Variants in ACADSB observed in about 807,000 individuals in gnomAD.
ACADSB encodes the protein short/branched chain specific acyl-CoA dehydrogenase, mitochondrial.
Under a neutral mutation model 54.1 loss-of-function variants are expected in ACADSB, and 40 were observed. That is an observed-to-expected ratio of 0.74 (90% confidence interval 0.57 to 0.96). ACADSB has a LOEUF of 0.96. Among genes scored for constraint, ACADSB ranks in the 40% least tolerant of loss-of-function variants. ACADSB has a pLI of 0.00. For missense variants in ACADSB, 530 were observed against 510.4 expected (o/e 1.04, Z -0.37); for synonymous variants, 182 against 182.8 (o/e 1.00, Z 0.03).
chr10:123,055,599 A>C lies in ACADSB; in HGVS notation c.*1834A>C, dbSNP rs1458751611. Reference sequence around the variant, plus strand: ...GCATTAACCCAAAAGTCCGCAGTCCAAAGTTTCATCTGAGACAAGGCAAGT... The same window carrying C: ...GCATTAACCCAAAAGTCCGCAGTCCCAAGTTTCATCTGAGACAAGGCAAGT... On this transcript the variant is annotated 3_prime_UTR_variant, in exon 11 of 11. Coordinates refer to ENST00000358776, the MANE Select transcript of ACADSB (RefSeq NM_001609.4). 1 of 152,214 alleles carries C rather than the reference A, an allele frequency of 6.6e-6. No individual in the cohort carries two copies. The highest frequency in any genetic ancestry group is 2.4e-5 in the African/African-American group (1 of 41,452). The allele number at this position is 152,214 out of a possible 1,614,324, so 9.4% of individuals were successfully genotyped here. A position where few individuals can be genotyped will look rare whatever the true frequency, so the allele number is the denominator to read the frequency against.
Position 123,019,575 on chromosome 10 carries a change from A to G in ACADSB, c.42+10504A>G, listed in dbSNP as rs376109633. 1.8e-4 allele frequency among the ~76,000 whole-genome samples: 27 copies of G among 152,356 alleles called. No homozygotes were observed. In the South Asian group the frequency reaches 5.6e-3, roughly 32 times the overall value. On this transcript the variant is annotated intron_variant, in intron 1 of 10. Coordinates refer to ENST00000358776, the MANE Select transcript of ACADSB (RefSeq NM_001609.4). The stretch of plus-strand genomic sequence containing the variant: ...TTGGTGATAGTTTTTTATCAGGCTT[A>G]CAAATATGAGAACCCTTTTTTCATG...
chr10:123,041,699 T>A (rs1267988986), intron 5 of ACADSB, among the ~76,000 whole-genome samples: 1 of 152,218 alleles, frequency 6.6e-6, no homozygotes, highest in Admixed American at 6.5e-5. Flanking sequence ...AACTACCATA[T>A]TGAATTCACG....
intron 1 of ACADSB, among the ~76,000 whole-genome samples, chr10:123,033,163 G>A (rs914542092): frequency 1.3e-5 from 2 of 152,124 alleles, no homozygotes; most frequent in Non-Finnish European, 2.9e-5. Context: ...GTGCAACTTT[G>A]CCCCAAACTG....
intron 1 of ACADSB, among the ~76,000 whole-genome samples, chr10:123,021,047 CA>C (rs973320508): frequency 6.6e-6 from 1 of 152,126 alleles, no homozygotes; most frequent in Non-Finnish European, 1.5e-5. Context: ...CTTAGCTTTC[CA>C]AACAATCTGT....
intron 1 of ACADSB, among the ~76,000 whole-genome samples, chr10:123,027,042 C>G (rs1850263938): frequency 6.6e-6 from 1 of 152,102 alleles, no homozygotes; most frequent in South Asian, 2.1e-4. Flanking sequence ...TAGATTATTA[C>G]TTGAACTCTA....
intron 3 of ACADSB, among the ~76,000 whole-genome samples, chr10:123,038,962 G>T (rs958109890): frequency 6.6e-6 from 1 of 152,118 alleles, no homozygotes; most frequent in Admixed American, 6.5e-5. Context: ...TCTCCCCCGC[G>T]GTGGTCGTTC....
At position 123,054,109 on chromosome 10, in the gene ACADSB, C is replaced by CTT; in HGVS notation, c.*345_*346dup. On this transcript the variant is annotated 3_prime_UTR_variant, in exon 11 of 11. Coordinates refer to ENST00000358776, the MANE Select transcript of ACADSB (RefSeq NM_001609.4). ...TGGCGCGATCTCAGCTCACTGCAGC[C>CTT]TTGACCTCCTGGGTTCCAGTGATTC... The CTT allele has an allele frequency of 3.5e-6, 1 of 287,208 alleles. No individual in the cohort carries two copies. The allele number at this position is 287,208 out of a possible 1,614,324, so 17.8% of individuals were successfully genotyped here. A position where few individuals can be genotyped will look rare whatever the true frequency, so the allele number is the denominator to read the frequency against.
rs192467602 is a variant in ACADSB at position 123,048,878 on chromosome 10, G to A, written c.990+1580G>A. Among the ~76,000 whole-genome samples the A allele has an allele frequency of 5.9e-3, 892 of 152,078 alleles. 3 individuals are homozygous for A. Among genetic ancestry groups the A allele is most frequent in the African/African-American group, 0.017 (725 of 41,498 alleles). On this transcript the variant is annotated intron_variant, in intron 8 of 10. Coordinates refer to ENST00000358776, the MANE Select transcript of ACADSB (RefSeq NM_001609.4). Reference sequence around the variant, plus strand: ...TGAGTAGCTGGGACTACAGGCACCCGCCACCACGCCCAGCTAATTTTTTGT... The same window carrying A: ...TGAGTAGCTGGGACTACAGGCACCCACCACCACGCCCAGCTAATTTTTTGT...
At position 123,018,474 on chromosome 10, in the gene ACADSB, G is replaced by T. The variant is rs562386246; in HGVS notation, c.42+9403G>T. On this transcript the variant is annotated intron_variant, in intron 1 of 10. Transcript: ENST00000358776. ...AATCAGAGACTGGTAGATGGGAAAG[G>T]TTGCGTTTTTAGCAGTTTTGGAGAA... 2.6e-5 allele frequency among the ~76,000 whole-genome samples: 4 copies of T among 152,146 alleles called. No homozygotes were observed. The South Asian group carries it at 8.3e-4, about 32-fold the overall frequency.
chr10:123,017,311 C>G (rs1306951995), intron 1 of ACADSB, among the ~76,000 whole-genome samples: 1 of 151,932 alleles, frequency 6.6e-6, no homozygotes, highest in Non-Finnish European at 1.5e-5. Context: ...ACTCCTTTAC[C>G]TTATATTTAT....
At chr10:123,033,385 C>G (rs1267291274) in intron 1 of ACADSB, among the ~76,000 whole-genome samples, 2 of 152,082 alleles carry the variant, frequency 1.3e-5, no homozygotes, top group African/African-American at 4.8e-5. Flanking sequence ...TTCTCTTTTT[C>G]TTGACTTTTC....
chr10:123,026,852 C>T (rs10902862), intron 1 of ACADSB, among the ~76,000 whole-genome samples: 21,499 of 151,276 alleles, frequency 0.14, 1,640 homozygotes, highest in South Asian at 0.23. Context: ...TAGAAGGATA[C>T]GTAAGAAACT....
At chr10:123,037,909 A>G in intron 3 of ACADSB, 62 bp downstream of exon 3, 1 of 1,188,708 alleles carries the variant, frequency 8.4e-7, no homozygotes, top group Non-Finnish European at 1.3e-6. Flanking sequence ...CTGTAATGAT[A>G]GCATAATGAA....
chr10:123,022,685 G>A (rs1850198118), intron 1 of ACADSB, among the ~76,000 whole-genome samples: 1 of 151,666 alleles, frequency 6.6e-6, no homozygotes, highest in African/African-American at 2.4e-5. Context: ...GTGTTAATTC[G>A]AATTCTTATC....
At chr10:123,049,825 G>A (rs1301381325) in intron 8 of ACADSB, among the ~76,000 whole-genome samples, 1 of 152,182 alleles carries the variant, frequency 6.6e-6, no homozygotes, top group East Asian at 1.9e-4. Flanking sequence ...AGAAAACAGA[G>A]AATATCTTTA....
At chr10:123,046,093 T>A (rs1180857202) in intron 7 of ACADSB, among the ~76,000 whole-genome samples, 1 of 152,234 alleles carries the variant, frequency 6.6e-6, no homozygotes, top group African/African-American at 2.4e-5. Flanking sequence ...ATGTACAAAT[T>A]TTAGCTGTAA....
chr10:123,016,483 G>A (rs540627574), intron 1 of ACADSB, among the ~76,000 whole-genome samples: 3 of 152,336 alleles, frequency 2.0e-5, no homozygotes, highest in East Asian at 1.9e-4. Context: ...TGTTACAGGC[G>A]CATACTCCTA....
intron 1 of ACADSB, among the ~76,000 whole-genome samples, chr10:123,015,157 TATA>T (rs1407719074): frequency 1.3e-5 from 2 of 152,218 alleles, no homozygotes; most frequent in African/African-American, 4.8e-5. Flanking sequence ...CACAAGAATT[TATA>T]ATGTTTACTA....
intron 7 of ACADSB, among the ~76,000 whole-genome samples, chr10:123,045,640 C>T (rs1850552466): frequency 6.6e-6 from 1 of 152,060 alleles, no homozygotes; most frequent in South Asian, 2.1e-4. Context: ...TAGACCAAAA[C>T]TTAGTCTAGT....
Sources: gnomAD v4.1 joint callset for allele counts (sites outside exome capture counted in the v4.1 genomes callset) on GRCh38, gnomAD v4.1.1 for gene constraint, MANE v1.5 for transcripts, NCBI Gene and HGNC (gene_info 2026-07-23, HGNC 2026-07-21) for gene names.